The following MICU2 variants were observed in gnomAD, a reference collection of about 807,000 sequenced individuals.
MICU2 encodes the protein calcium uptake protein 2, mitochondrial.
Under a neutral mutation model 60.4 loss-of-function variants are expected in MICU2, and 64 were observed. The observed-to-expected ratio is 1.06, with a 90% CI of 0.87 to 1.31. MICU2 has a LOEUF of 1.31. MICU2 is among the 50% of genes most tolerant of loss of function. MICU2 has a pLI of 0.00. For synonymous variants in MICU2, 201 were observed against 175.0 expected, an observed-to-expected ratio of 1.15 and a Z score of -1.17; for missense variants, 569 against 531.0, an observed-to-expected ratio of 1.07 and a Z score of -0.70.
intron 2 of MICU2, among the ~76,000 whole-genome samples, chr13:21,547,169 T>G (rs1887437199): frequency 6.6e-6 from 1 of 152,172 alleles, no homozygotes; most frequent in African/African-American, 2.4e-5. Context: ...AAGTCTCTAC[T>G]GCACATGCTC....
intron 1 of MICU2, among the ~76,000 whole-genome samples, chr13:21,591,664 C>G (rs1352469913): frequency 6.6e-6 from 1 of 151,870 alleles, no homozygotes. Flanking sequence ...GAACTGAAAT[C>G]ACAGCACTCT....
chr13:21,508,128 CTTTT>C (rs796385356), intron 8 of MICU2, among the ~76,000 whole-genome samples: 3 of 136,896 alleles, frequency 2.2e-5, no homozygotes, highest in Non-Finnish European at 1.6e-5. Flanking sequence ...GCTCTTCTTT[CTTTT>C]TTTTTTTTTT....
intron 6 of MICU2, among the ~76,000 whole-genome samples, chr13:21,520,969 T>C (rs1477410989): frequency 1.3e-5 from 2 of 152,116 alleles, no homozygotes; most frequent in African/African-American, 4.8e-5. Flanking sequence ...CCTATGAAAC[T>C]CTTCTTACCA....
At chr13:21,519,011 T>C (rs1210324565) in intron 6 of MICU2, among the ~76,000 whole-genome samples, 1 of 152,214 alleles carries the variant, frequency 6.6e-6, no homozygotes, top group Non-Finnish European at 1.5e-5. Flanking sequence ...TTTCAGAGGC[T>C]CTCTACTCAG....
chr13:21,523,493 A>G (rs1566146762), intron 4 of MICU2, among the ~76,000 whole-genome samples: 1 of 152,252 alleles, frequency 6.6e-6, no homozygotes, highest in Non-Finnish European at 1.5e-5. Context: ...AAATTACACT[A>G]TTTAAAACGT....
chr13:21,566,565 T>G (rs778495852), intron 2 of MICU2, among the ~76,000 whole-genome samples: 1 of 151,966 alleles, frequency 6.6e-6, no homozygotes, highest in Non-Finnish European at 1.5e-5. Flanking sequence ...TTAGTAGCAA[T>G]TAAAACTTAA....
intron 4 of MICU2, among the ~76,000 whole-genome samples, chr13:21,525,661 C>T (rs1048790320): frequency 1.3e-5 from 2 of 151,612 alleles, no homozygotes; most frequent in African/African-American, 4.8e-5. Context: ...ATTTGCATTT[C>T]CCTGATGATT....
Position 21,604,168 on chromosome 13 carries a change from G to A in MICU2, c.-20C>T, listed in dbSNP as rs2248433. ...CGCCATCTTTGCGGAAGCGCAGCTA[G>A]GCGGCGCTTCTCTCCCGGCGCCGCC... On this transcript the variant is annotated 5_prime_UTR_variant, in exon 1 of 12. Coordinates refer to ENST00000382374, the MANE Select transcript of MICU2 (RefSeq NM_152726.3). The A allele has an allele frequency of 1.3e-6, 2 of 1,536,456 alleles. No individual in the cohort carries two copies. The highest frequency in any genetic ancestry group is 8.7e-7 in the Non-Finnish European group (1 of 1,145,964).
intron 4 of MICU2, among the ~76,000 whole-genome samples, chr13:21,538,934 T>G (rs1343857203): frequency 1.3e-5 from 2 of 152,138 alleles, no homozygotes; most frequent in Admixed American, 1.3e-4. Context: ...ATAAGTTCCC[T>G]TTTTCTTTAA....
chr13:21,593,438 C>T (rs1888626367), intron 1 of MICU2, among the ~76,000 whole-genome samples: 2 of 151,688 alleles, frequency 1.3e-5, no homozygotes, highest in South Asian at 4.2e-4. Flanking sequence ...ACCAGACTGT[C>T]AAAAGTAATT....
chr13:21,499,560 G>A (rs994515831), intron 9 of MICU2, among the ~76,000 whole-genome samples: 4 of 151,662 alleles, frequency 2.6e-5, no homozygotes, highest in Admixed American at 6.6e-5. Context: ...ACAGGCACCC[G>A]CCACCACGCC....
intron 2 of MICU2, among the ~76,000 whole-genome samples, chr13:21,559,724 C>G (rs1180498427): frequency 1.3e-5 from 2 of 152,068 alleles, no homozygotes; most frequent in Non-Finnish European, 2.9e-5. Context: ...AGGGTTTCTC[C>G]ATGTTGGCCA....
At chr13:21,568,429 C>T (rs968740190) in intron 1 of MICU2, among the ~76,000 whole-genome samples, 6 of 152,040 alleles carry the variant, frequency 3.9e-5, no homozygotes, top group Non-Finnish European at 8.8e-5. Context: ...CTTTTCTTTT[C>T]CCTTAAATGA....
At chr13:21,524,355 G>T (rs1886796874) in intron 4 of MICU2, among the ~76,000 whole-genome samples, 1 of 151,668 alleles carries the variant, frequency 6.6e-6, no homozygotes, top group African/African-American at 2.4e-5. Flanking sequence ...CCTCCCACTG[G>T]ATTATTTTGA....
At chr13:21,602,150 TGAA>T (rs1432529561) in intron 1 of MICU2, among the ~76,000 whole-genome samples, 1 of 149,900 alleles carries the variant, frequency 6.7e-6, no homozygotes, top group Non-Finnish European at 1.5e-5. Flanking sequence ...AATGAGACAC[TGAA>T]GAAGGGTTTC....
intron 1 of MICU2, among the ~76,000 whole-genome samples, chr13:21,595,827 AAGTCTTT>A (rs1434211892): frequency 6.6e-6 from 1 of 152,198 alleles, no homozygotes; most frequent in African/African-American, 2.4e-5. Context: ...TACCTCTCCT[AAGTCTTT>A]AGTTCCTTCA....
chr13:21,528,516 C>G (rs9316436), intron 4 of MICU2, among the ~76,000 whole-genome samples: 24,429 of 152,098 alleles, frequency 0.16, 3,405 homozygotes, highest in East Asian at 0.66. Flanking sequence ...AGATCACAAT[C>G]AACATTACAG....
intron 1 of MICU2, 153 bp downstream of exon 1, chr13:21,603,786 G>A: frequency 2.4e-6 from 2 of 827,898 alleles, no homozygotes; most frequent in South Asian, 1.8e-5. Context: ...CCAGGAAGGA[G>A]CGAGTCCCAC....
intron 4 of MICU2, among the ~76,000 whole-genome samples, chr13:21,530,179 T>A (rs936278637): frequency 1.3e-5 from 2 of 152,258 alleles, no homozygotes; most frequent in African/African-American, 2.4e-5. Flanking sequence ...AATGTAGGAA[T>A]GTAAGTTGAT....
Sources: allele counts gnomAD v4.1 joint callset (sites outside exome capture counted in the v4.1 genomes callset), GRCh38; gene constraint gnomAD v4.1.1; transcripts MANE v1.5; gene names NCBI Gene and HGNC (gene_info 2026-07-23, HGNC 2026-07-21).